Variants in ASTN2 observed in about 807,000 individuals in gnomAD.
The protein encoded by ASTN2 is astrotactin 2, also known as astrotactin-2.
In ASTN2, 54 loss-of-function variants were observed where a neutral mutation model predicts 139.8. That is an observed-to-expected ratio of 0.39 (90% CI 0.31 to 0.48). ASTN2 has a LOEUF of 0.48. Ranked by LOEUF, ASTN2 falls within the 20% of genes least tolerant of loss-of-function variation. The pLI is 0.95. For missense variants in ASTN2, 1,565 were observed against 1,725.1 expected, an observed-to-expected ratio of 0.91 and a Z score of 1.64; for synonymous variants, 756 against 719.5, an observed-to-expected ratio of 1.05 and a Z score of -0.81.
rs149792002 is a variant in ASTN2 at position 117,143,778 on chromosome 9, G to A, written c.1016-2300C>T. On this transcript the variant is annotated intron_variant, in intron 3 of 22. Coordinates refer to ENST00000313400, the MANE Select transcript of ASTN2 (RefSeq NM_001365068.1). ...CCTTCTCCTCCCTGTGTCCTCACTC[G>A]GTGGGGGAGCAGGGAAAGAGAGAGA... 3.1e-3 allele frequency among the ~76,000 whole-genome samples: 476 copies of A among 151,688 alleles called. 3 individuals are homozygous for A. Among genetic ancestry groups the A allele is most frequent in the African/African-American group, 0.011 (451 of 41,326 alleles).
chr9:117,186,180 G>A (rs897644994), intron 3 of ASTN2, among the ~76,000 whole-genome samples: 22 of 152,136 alleles, frequency 1.4e-4, no homozygotes, highest in African/African-American at 2.2e-4. Context: ...AATTTTATGC[G>A]TAATTATTTA....
intron 1 of ASTN2, among the ~76,000 whole-genome samples, chr9:117,401,879 C>T (rs1830837999): frequency 6.7e-6 from 1 of 149,634 alleles, no homozygotes; most frequent in Non-Finnish European, 1.5e-5. Context: ...ATGAGCTGAA[C>T]AAACAAACAA....
intron 1 of ASTN2, among the ~76,000 whole-genome samples, chr9:117,360,584 C>T (rs1829664618): frequency 6.6e-6 from 1 of 152,142 alleles, no homozygotes; most frequent in South Asian, 2.1e-4. Flanking sequence ...AACAAACAGC[C>T]ATCCTAATAA....
intron 10 of ASTN2, among the ~76,000 whole-genome samples, chr9:116,890,806 A>AG (rs1211938178): frequency 6.6e-6 from 1 of 152,076 alleles, no homozygotes; most frequent in African/African-American, 2.4e-5. Flanking sequence ...GGTAAGTGGC[A>AG]GGGGGGTGGA....
intron 13 of ASTN2, among the ~76,000 whole-genome samples, chr9:116,781,653 G>A (rs1447439469): frequency 6.6e-6 from 1 of 152,112 alleles, no homozygotes; most frequent in African/African-American, 2.4e-5. Flanking sequence ...ACTCACTGGG[G>A]CTCTCAAAAG....
chr9:117,085,349 C>A (rs1271801652), intron 5 of ASTN2, among the ~76,000 whole-genome samples: 1 of 152,200 alleles, frequency 6.6e-6, no homozygotes, highest in East Asian at 1.9e-4. Flanking sequence ...CCAGCAAGAG[C>A]AAGCAGCTCT....
At chr9:117,274,964 C>T (rs977300614) in intron 2 of ASTN2, among the ~76,000 whole-genome samples, 3 of 152,232 alleles carry the variant, frequency 2.0e-5, no homozygotes, top group African/African-American at 7.2e-5. Context: ...GGGCTCAAGG[C>T]TGAATCTAGG....
At chr9:117,327,895 C>A (rs898365531) in intron 1 of ASTN2, among the ~76,000 whole-genome samples, 36 of 152,106 alleles carry the variant, frequency 2.4e-4, no homozygotes, top group Non-Finnish European at 8.8e-5. Context: ...GGGTTTTGGC[C>A]TCAATCATTT....
At chr9:116,783,248 A>C in intron 13 of ASTN2, among the ~76,000 whole-genome samples, 1 of 151,732 alleles carries the variant, frequency 6.6e-6, no homozygotes, top group Non-Finnish European at 1.5e-5. Flanking sequence ...TCTCACAGGC[A>C]AACTCATAAA....
chr9:117,098,465 G>T lies in ASTN2; in HGVS notation c.1169-2314C>A, dbSNP rs553994710. ...CCTCCCCACACCCATCCTTCCTTAA[G>T]ACGGTATGTTCTAATGAGTGGGAAA... is the stretch of plus-strand genomic sequence containing the variant. On this transcript the variant is annotated intron_variant, in intron 4 of 22. Coordinates refer to ENST00000313400, the MANE Select transcript of ASTN2 (RefSeq NM_001365068.1). Among the ~76,000 whole-genome samples the T allele has an allele frequency of 1.8e-3, 274 of 152,208 alleles. 1 individual carries two copies. Among genetic ancestry groups the T allele is most frequent in the Admixed American group, 4.2e-3 (64 of 15,274 alleles).
intron 3 of ASTN2, among the ~76,000 whole-genome samples, chr9:117,205,663 G>C (rs1191079469): frequency 6.6e-6 from 1 of 152,140 alleles, no homozygotes; most frequent in Admixed American, 6.5e-5. Context: ...AATCTCAGGA[G>C]TAGAAAAGAA....
chr9:116,425,569 C>G lies in ASTN2; in HGVS notation c.*282G>C. Reference sequence around the variant, plus strand: ...CTGAAAACTTCTGCCTCGGGATTGACAGCCATCCATAAGAAAAGGTTTAAA... The same window carrying G: ...CTGAAAACTTCTGCCTCGGGATTGAGAGCCATCCATAAGAAAAGGTTTAAA... On this transcript the variant is annotated 3_prime_UTR_variant, in exon 23 of 23. Coordinates refer to ENST00000313400, the MANE Select transcript of ASTN2 (RefSeq NM_001365068.1). 6.2e-7 allele frequency: 1 copy of G among 1,613,234 alleles called. No homozygotes were observed. Among genetic ancestry groups the G allele is most frequent in the South Asian group, 1.1e-5 (1 of 90,802 alleles).
chr9:117,095,160 G>A (rs896794960), intron 5 of ASTN2, among the ~76,000 whole-genome samples: 7 of 152,182 alleles, frequency 4.6e-5, no homozygotes, highest in Non-Finnish European at 1.0e-4. Context: ...GCCCATGGAT[G>A]GATCTGCCCT....
chr9:116,780,046 C>A (rs564910673), intron 13 of ASTN2, among the ~76,000 whole-genome samples: 2 of 152,290 alleles, frequency 1.3e-5, no homozygotes, highest in East Asian at 1.9e-4. Context: ...TTCACTCACC[C>A]ACTCATTCAT....
intron 7 of ASTN2, among the ~76,000 whole-genome samples, chr9:117,002,974 A>G (rs1488546312): frequency 6.6e-6 from 1 of 152,156 alleles, no homozygotes; most frequent in African/African-American, 2.4e-5. Flanking sequence ...GTTTGGGCTG[A>G]ACGTGTAGGA....
intron 3 of ASTN2, chr9:117,197,227 T>A (rs1315656428): frequency 6.6e-6 from 1 of 152,370 alleles, no homozygotes; most frequent in Non-Finnish European, 1.5e-5. Flanking sequence ...CAATGCTCCA[T>A]GTGCATCCCT....
chr9:116,429,021 C>T (rs1379947402), intron 22 of ASTN2, among the ~76,000 whole-genome samples: 4 of 151,876 alleles, frequency 2.6e-5, no homozygotes, highest in African/African-American at 9.7e-5. Context: ...GAGAACTGAG[C>T]GGAAGGAGGC....
At chr9:117,124,877 G>A (rs778386915) in intron 4 of ASTN2, among the ~76,000 whole-genome samples, 2 of 149,934 alleles carry the variant, frequency 1.3e-5, no homozygotes, top group Admixed American at 6.6e-5. Context: ...CTGTATGATT[G>A]TGGTCAAAGT....
chr9:116,750,867 C>T (rs535720147), intron 13 of ASTN2, among the ~76,000 whole-genome samples: 5 of 152,168 alleles, frequency 3.3e-5, no homozygotes, highest in Admixed American at 6.5e-5. Context: ...GATATCAAGA[C>T]TTTAAAAGGG....
Sources: allele counts gnomAD v4.1 joint callset (sites outside exome capture counted in the v4.1 genomes callset), GRCh38; gene constraint gnomAD v4.1.1; transcripts MANE v1.5; gene names NCBI Gene and HGNC (gene_info 2026-07-23, HGNC 2026-07-21).